DYNC1I1: variants seen among roughly 807,000 people sequenced by gnomAD.
The protein encoded by DYNC1I1 is dynein cytoplasmic 1 intermediate chain 1, also known as cytoplasmic dynein 1 intermediate chain 1.
A neutral mutation model predicts 86.6 loss-of-function variants in DYNC1I1; 43 were observed. The observed-to-expected ratio is 0.50, with a 90% CI of 0.39 to 0.64. DYNC1I1 has a LOEUF of 0.64. DYNC1I1 is among the 30% of genes least tolerant of loss of function. The pLI, the probability that DYNC1I1 is intolerant of heterozygous loss-of-function variation, is 0.00. For synonymous variants in DYNC1I1, 262 were observed against 283.7 expected, an observed-to-expected ratio of 0.92 and a Z score of 0.77; for missense variants, 604 against 788.8, an observed-to-expected ratio of 0.77 and a Z score of 2.81.
intron 5 of DYNC1I1, among the ~76,000 whole-genome samples, chr7:95,834,553 T>C (rs1191519267): frequency 1.5e-5 from 2 of 134,150 alleles, no homozygotes; most frequent in African/African-American, 5.7e-5. Flanking sequence ...ATGGTACCAG[T>C]TCCTCCTTGT....
intron 14 of DYNC1I1, among the ~76,000 whole-genome samples, chr7:96,042,218 G>A (rs1281997573): frequency 6.6e-6 from 1 of 152,112 alleles, no homozygotes; most frequent in Non-Finnish European, 1.5e-5. Context: ...GTGTCATTGA[G>A]AACTGAGATT....
chr7:96,076,244 G>T (rs574694944), intron 15 of DYNC1I1, 47 bp downstream of exon 15: 4 of 1,602,828 alleles, frequency 2.5e-6, no homozygotes, highest in East Asian at 4.5e-5. Flanking sequence ...GGAGGGGGGC[G>T]CAGTCGGCCA....
At chr7:96,030,515 C>T (rs562825768) in intron 11 of DYNC1I1, among the ~76,000 whole-genome samples, 152 of 152,124 alleles carry the variant, frequency 1.0e-3, no homozygotes, top group Non-Finnish European at 1.5e-3. Context: ...ACACTTTCTC[C>T]GGGCACATGG....
chr7:95,826,439 A>T (rs941207306), intron 4 of DYNC1I1, among the ~76,000 whole-genome samples: 5 of 152,240 alleles, frequency 3.3e-5, no homozygotes, highest in Non-Finnish European at 7.3e-5. Context: ...TATGGTTGCC[A>T]TGTGCTTTAT....
intron 15 of DYNC1I1, 29 bp downstream of exon 15, chr7:96,076,226 G>C (rs766763155): frequency 1.9e-6 from 3 of 1,610,500 alleles, no homozygotes; most frequent in Non-Finnish European, 2.5e-6. Flanking sequence ...GCCCGGGCCG[G>C]AGGGCTGGGA....
At chr7:95,795,397 A>C (rs1794409767) in intron 1 of DYNC1I1, among the ~76,000 whole-genome samples, 1 of 152,044 alleles carries the variant, frequency 6.6e-6, no homozygotes, top group African/African-American at 2.4e-5. Flanking sequence ...TAATCCTTGA[A>C]GTTCTTGTTT....
intron 1 of DYNC1I1, chr7:95,802,693 C>T (rs1794609489): frequency 6.6e-6 from 1 of 152,156 alleles, no homozygotes; most frequent in African/African-American, 2.4e-5. Flanking sequence ...CACTCTGCCA[C>T]CCAGGCTAGA....
chr7:95,991,123 A>G lies in DYNC1I1; in HGVS notation c.843+3968A>G, dbSNP rs551929562. 5.3e-5 allele frequency among the ~76,000 whole-genome samples: 8 copies of G among 152,356 alleles called. No individual in the cohort carries two copies. In the South Asian group the frequency reaches 1.0e-3, roughly 20 times the overall value. Reference sequence around the variant, plus strand: ...ATAAGAAGTACTTGATAAATGTGACATAGTAGTGAGAAGAGCAGTAGCAGT... The same window carrying G: ...ATAAGAAGTACTTGATAAATGTGACGTAGTAGTGAGAAGAGCAGTAGCAGT... On this transcript the variant is annotated intron_variant, in intron 9 of 16. Coordinates refer to ENST00000447467, the MANE Select transcript of DYNC1I1 (RefSeq NM_001135556.2).
At chr7:95,907,478 G>C (rs752761024) in intron 6 of DYNC1I1, among the ~76,000 whole-genome samples, 1 of 152,092 alleles carries the variant, frequency 6.6e-6, no homozygotes, top group Non-Finnish European at 1.5e-5. Context: ...GACTCAGCCC[G>C]TTGGTCTCTT....
chr7:96,027,310 A>T (rs1794705948), intron 10 of DYNC1I1, among the ~76,000 whole-genome samples: 1 of 152,226 alleles, frequency 6.6e-6, no homozygotes, highest in Non-Finnish European at 1.5e-5. Flanking sequence ...ACTTTAGCTT[A>T]TAAATGCAAA....
chr7:95,894,135 A>G (rs1790813835), intron 6 of DYNC1I1, among the ~76,000 whole-genome samples: 1 of 151,926 alleles, frequency 6.6e-6, no homozygotes, highest in South Asian at 2.1e-4. Context: ...AGCATCCTGG[A>G]ACATCCCAGA....
At chr7:96,024,514 T>C (rs1773463357) in intron 10 of DYNC1I1, among the ~76,000 whole-genome samples, 1 of 152,218 alleles carries the variant, frequency 6.6e-6, no homozygotes, top group South Asian at 2.1e-4. Flanking sequence ...TATACACATA[T>C]ATATTCTTAC....
chr7:96,025,321 T>G (rs1254493622), intron 10 of DYNC1I1, among the ~76,000 whole-genome samples: 2 of 151,914 alleles, frequency 1.3e-5, no homozygotes, highest in Non-Finnish European at 1.5e-5. Context: ...ATATATGTCA[T>G]GTAATACATA....
chr7:96,039,525 G>C lies in DYNC1I1; in HGVS notation c.1509+104G>C. ...CCTAAAGCCTCTTCCAGGCAACCTG[G>C]CATTGGGAATTCATATACCTTCTGG... On this transcript the variant is annotated intron_variant, in intron 14 of 16. Coordinates refer to ENST00000447467, the MANE Select transcript of DYNC1I1 (RefSeq NM_001135556.2). 2.1e-6 allele frequency: 3 copies of C among 1,451,518 alleles called. No homozygotes were observed. The South Asian group carries it at 3.5e-5, about 17-fold the overall frequency. 89.9% of individuals were successfully genotyped at this position (1,451,518 alleles called of 1,614,324 possible).
chr7:95,828,030 T>TG (rs1204823408), intron 4 of DYNC1I1, 27 bp from the exon 5 acceptor site: 1 of 1,613,224 alleles, frequency 6.2e-7, no homozygotes, highest in South Asian at 1.1e-5. Context: ...TTCTCTGTGT[T>TG]CTTTTTCCTT....
chr7:96,033,150 C>T (rs1304589204), intron 12 of DYNC1I1, among the ~76,000 whole-genome samples: 1 of 152,196 alleles, frequency 6.6e-6, no homozygotes, highest in Non-Finnish European at 1.5e-5. Context: ...TGGGTACTTG[C>T]ATTGGAGGGA....
intron 6 of DYNC1I1, among the ~76,000 whole-genome samples, chr7:95,942,287 T>C (rs1772514005): frequency 1.3e-5 from 2 of 151,998 alleles, no homozygotes; most frequent in African/African-American, 2.4e-5. Flanking sequence ...ATCGATAAGT[T>C]CCTCGACACA....
chr7:96,022,020 C>G (rs1387330976), intron 10 of DYNC1I1, among the ~76,000 whole-genome samples: 1 of 152,028 alleles, frequency 6.6e-6, no homozygotes, highest in East Asian at 1.9e-4. Context: ...TGGGTATATA[C>G]CTAGGAGTGG....
intron 9 of DYNC1I1, 94 bp downstream of exon 9, chr7:95,987,249 C>G: frequency 9.4e-7 from 1 of 1,061,456 alleles, no homozygotes; most frequent in South Asian, 1.4e-5. Flanking sequence ...CCTACGATTT[C>G]CTCTCTATGC....
Sources: gnomAD v4.1 joint callset for allele counts (sites outside exome capture counted in the v4.1 genomes callset) on GRCh38, gnomAD v4.1.1 for gene constraint, MANE v1.5 for transcripts, NCBI Gene and HGNC (gene_info 2026-07-23, HGNC 2026-07-21) for gene names.